CELF2: variants seen among roughly 807,000 people sequenced by gnomAD.
CELF2 encodes CUGBP Elav-like family member 2.
Under a neutral mutation model 62.6 loss-of-function variants are expected in CELF2, and 8 were observed. That is an observed-to-expected ratio of 0.13 (90% CI 0.07 to 0.23). The LOEUF is 0.23. Ranked by LOEUF, CELF2 falls within the 10% of genes least tolerant of loss-of-function variation. The pLI is 1.00. For missense variants in CELF2, 333 were observed against 671.0 expected (o/e 0.50, Z 5.56); for synonymous variants, 258 against 250.0 (o/e 1.03, Z -0.30).
the CELF2 span, among the ~76,000 whole-genome samples, chr10:10,707,876 G>T: frequency 7.2e-5 from 11 of 152,092 alleles, no homozygotes; most frequent in Non-Finnish European, 5.9e-5. Flanking sequence ...TATGTAGAGA[G>T]GACTTCAGGG....
Position 11,244,211 on chromosome 10 carries a change from C to T in CELF2, c.355-4942C>T, listed in dbSNP as rs1056700303. The stretch of plus-strand genomic sequence containing the variant: ...TGCTCAGGGTGTGGCCACTGGCTGC[C>T]GCCTGTCCTGGCACCTAGGGAAGAT... On this transcript the variant is annotated intron_variant, in intron 3 of 12. Coordinates refer to ENST00000633077, the MANE Select transcript of CELF2 (RefSeq NM_001326342.2). The surrounding 1 kb of genome is among the most constrained non-coding windows in gnomAD (Gnocchi z 4.2). Among the ~76,000 whole-genome samples, 3 of 152,232 alleles carry T rather than the reference C, an allele frequency of 2.0e-5. No individual in the cohort carries two copies. Among genetic ancestry groups the T allele is most frequent in the African/African-American group, 7.2e-5 (3 of 41,464 alleles).
chr10:10,928,477 G>A lies in CELF2; in HGVS notation c.89+8478G>A, dbSNP rs533862112. On this transcript the variant is annotated intron_variant, in intron 2 of 13. Transcript: ENST00000636488. The surrounding 1 kb of genome is among the most constrained non-coding windows in gnomAD (Gnocchi z 4.8). Reference sequence around the variant, plus strand: ...ACAGCCCACAGACGAAATCTAGATAGTGGCCTGTGCTTATAAATATATATA... The same window carrying A: ...ACAGCCCACAGACGAAATCTAGATAATGGCCTGTGCTTATAAATATATATA... Among the ~76,000 whole-genome samples, 75 of 152,218 alleles carry A rather than the reference G, an allele frequency of 4.9e-4. No individual in the cohort carries two copies. Among genetic ancestry groups the A allele is most frequent in the African/African-American group, 1.7e-3 (70 of 41,522 alleles).
intron 7 of CELF2, 133 bp from the exon 8 acceptor site, chr10:11,274,924 G>A: frequency 1.3e-6 from 1 of 764,440 alleles, no homozygotes; most frequent in Non-Finnish European, 2.3e-6. Flanking sequence ...CCAGCTCTGG[G>A]GACCTTCAGT....
the CELF2 span, among the ~76,000 whole-genome samples, chr10:10,520,526 A>G: frequency 6.6e-6 from 1 of 152,160 alleles, no homozygotes; most frequent in Non-Finnish European, 1.5e-5. Context: ...TGGAGAGCAA[A>G]ACCCACGCTG....
At chr10:11,162,223 A>T (rs1176051064) in intron 1 of CELF2, among the ~76,000 whole-genome samples, 1 of 151,756 alleles carries the variant, frequency 6.6e-6, no homozygotes, top group East Asian at 1.9e-4. Flanking sequence ...GGTCGATGGG[A>T]CAGGACCACC....
At chr10:10,730,302 C>T in the CELF2 span, among the ~76,000 whole-genome samples, 1,972 of 152,182 alleles carry the variant, frequency 0.013, 33 homozygotes, top group Admixed American at 0.016. Context: ...GATGGTGAAA[C>T]CCTGTCTCTA....
chr10:10,950,785 C>G (rs1002044132), intron 2 of CELF2, among the ~76,000 whole-genome samples: 4 of 152,212 alleles, frequency 2.6e-5, no homozygotes, highest in African/African-American at 9.6e-5. Flanking sequence ...GACAGAAGAG[C>G]AGCAGCTATC....
the CELF2 span, among the ~76,000 whole-genome samples, chr10:10,582,662 C>T: frequency 6.6e-6 from 1 of 152,084 alleles, no homozygotes; most frequent in East Asian, 1.9e-4. Context: ...TTGTTGAGTA[C>T]TCTTCATATT....
chr10:10,598,445 A>C, the CELF2 span, among the ~76,000 whole-genome samples: 1 of 152,200 alleles, frequency 6.6e-6, no homozygotes, highest in Non-Finnish European at 1.5e-5. Flanking sequence ...ATCAGCATGG[A>C]AACAGAAGCC....
intron 1 of CELF2, among the ~76,000 whole-genome samples, chr10:11,136,354 G>C (rs1227180774): frequency 6.6e-6 from 1 of 152,208 alleles, no homozygotes; most frequent in Non-Finnish European, 1.5e-5. Flanking sequence ...TGTAATCCCA[G>C]CACTCTGGGA....
chr10:10,963,571 C>T (rs2049791276), intron 2 of CELF2, among the ~76,000 whole-genome samples: 1 of 152,200 alleles, frequency 6.6e-6, no homozygotes, highest in Non-Finnish European at 1.5e-5. Flanking sequence ...ATGCATGCTG[C>T]CCTGCTTTCA....
At chr10:11,184,044 C>G (rs2074196646) in intron 2 of CELF2, among the ~76,000 whole-genome samples, 1 of 152,166 alleles carries the variant, frequency 6.6e-6, no homozygotes. Context: ...CAGGTTTAGG[C>G]TTTACATTTT....
At position 10,819,974 on chromosome 10, in the gene CELF2, C is replaced by T. The variant is rs1057126392; in HGVS notation, c.53+21157C>T. On this transcript the variant is annotated intron_variant, in intron 1 of 13. Coordinates refer to the CELF2 transcript ENST00000636488. Reference sequence around the variant, plus strand: ...ATTTGAATTTATCTCCCACAGTTCCCGTGTGTTGTGGGAGGGACCCAGGGG... The same window carrying T: ...ATTTGAATTTATCTCCCACAGTTCCTGTGTGTTGTGGGAGGGACCCAGGGG... Among the ~76,000 whole-genome samples, 11 of 152,148 alleles carry T rather than the reference C, an allele frequency of 7.2e-5. No homozygotes were observed. In the Middle Eastern group the frequency reaches 0.01, roughly 141 times the overall value.
intron 3 of CELF2, among the ~76,000 whole-genome samples, chr10:11,218,808 T>C (rs969782739): frequency 6.6e-6 from 1 of 152,218 alleles, no homozygotes. Context: ...TTAAAAAAAT[T>C]GTATTATTTT....
At chr10:10,749,221 C>G in the CELF2 span, among the ~76,000 whole-genome samples, 1 of 152,040 alleles carries the variant, frequency 6.6e-6, no homozygotes, top group African/African-American at 2.4e-5. Context: ...TTATAGAATA[C>G]TCATGATTCT....
At chr10:10,913,879 G>GAAGGAAGGAAGT (rs2064067009) in intron 1 of CELF2, among the ~76,000 whole-genome samples, 1 of 124,432 alleles carries the variant, frequency 8.0e-6, no homozygotes. Context: ...AGGAAGGAAG[G>GAAGGAAGGAAGT]AAGGAAGAAG....
intron 1 of CELF2, among the ~76,000 whole-genome samples, chr10:11,086,463 T>C (rs1324285556): frequency 6.6e-6 from 1 of 151,232 alleles, no homozygotes; most frequent in African/African-American, 2.4e-5. Context: ...CATCATTATG[T>C]AAAGTAAAAT....
Position 10,926,940 on chromosome 10 carries a change from T to C in CELF2, c.89+6941T>C, listed in dbSNP as rs567923656. On this transcript the variant is annotated intron_variant, in intron 2 of 13. Transcript: ENST00000636488. ...AGGGACAACTTCCTCCTCCATGAAG[T>C]GCTCTCTTCATTGTAGAGACATCAA... 3 of 152,338 alleles carry C rather than the reference T, an allele frequency of 2.0e-5. No homozygotes were observed. The South Asian group carries it at 6.2e-4, about 32-fold the overall frequency. The allele number at this position is 152,338 out of a possible 1,614,324, so 9.4% of individuals were successfully genotyped here. A position where few individuals can be genotyped will look rare whatever the true frequency, so the allele number is the denominator to read the frequency against.
intron 9 of CELF2, among the ~76,000 whole-genome samples, chr10:11,313,549 A>G (rs1033755461): frequency 6.6e-6 from 1 of 152,242 alleles, no homozygotes; most frequent in Non-Finnish European, 1.5e-5. Context: ...TTATCAGGGA[A>G]ATGTAATCAC....
Sources: allele counts gnomAD v4.1 joint callset (sites outside exome capture counted in the v4.1 genomes callset), GRCh38; gene constraint gnomAD v4.1.1; non-coding constraint Gnocchi (gnomAD v3.1); transcripts MANE v1.5; gene names NCBI Gene and HGNC (gene_info 2026-07-23, HGNC 2026-07-21).